ADAMTS19: variants seen among roughly 807,000 people sequenced by gnomAD.
ADAMTS19 encodes the protein A disintegrin and metalloproteinase with thrombospondin motifs 19.
Under a neutral mutation model 153.3 loss-of-function variants are expected in ADAMTS19, and 93 were observed. The observed-to-expected ratio is 0.61, with a 90% CI of 0.51 to 0.72. The LOEUF (loss-of-function observed/expected upper bound fraction) is 0.72. Among genes scored for constraint, ADAMTS19 ranks in the 30% least tolerant of loss-of-function variants. The pLI, the probability that ADAMTS19 is intolerant of heterozygous loss-of-function variation, is 0.00. For missense variants in ADAMTS19, 1,482 were observed against 1,552.1 expected, an observed-to-expected ratio of 0.95 and a Z score of 0.76; for synonymous variants, 600 against 556.6, an observed-to-expected ratio of 1.08 and a Z score of -1.10.
At chr5:129,702,578 T>C (rs1439970615) in intron 20 of ADAMTS19, among the ~76,000 whole-genome samples, 1 of 152,186 alleles carries the variant, frequency 6.6e-6, no homozygotes. Flanking sequence ...AATCCTGGCT[T>C]TCTCTTTTCT....
intron 2 of ADAMTS19, among the ~76,000 whole-genome samples, chr5:129,475,156 T>G (rs1321171268): frequency 6.6e-6 from 1 of 151,970 alleles, no homozygotes; most frequent in African/African-American, 2.4e-5. Context: ...AAGAACTCAG[T>G]GTCTAACCCA....
intron 21 of ADAMTS19, among the ~76,000 whole-genome samples, chr5:129,719,051 G>A (rs1756855572): frequency 6.6e-6 from 1 of 152,062 alleles, no homozygotes; most frequent in African/African-American, 2.4e-5. Context: ...TGAGAATTAT[G>A]ATTTTTAACC....
chr5:129,680,489 T>C (rs1223847778), intron 17 of ADAMTS19, among the ~76,000 whole-genome samples: 2 of 152,156 alleles, frequency 1.3e-5, no homozygotes, highest in African/African-American at 2.4e-5. Context: ...CCAGACGTGG[T>C]GGCTCACGCC....
At chr5:129,488,407 A>G (rs1228620833) in intron 2 of ADAMTS19, among the ~76,000 whole-genome samples, 1 of 152,130 alleles carries the variant, frequency 6.6e-6, no homozygotes, top group Non-Finnish European at 1.5e-5. Flanking sequence ...ATTTGCCGAC[A>G]CATCAGCCCA....
Position 129,595,870 on chromosome 5 carries a change from TTAAC to T in ADAMTS19, c.1373-685_1373-682del, listed in dbSNP as rs200949147. Among the ~76,000 whole-genome samples, 82 of 152,094 alleles carry T rather than the reference TTAAC, an allele frequency of 5.4e-4. No homozygotes were observed. The East Asian group carries it at 9.3e-3, about 17-fold the overall frequency. On this transcript the variant is annotated intron_variant, in intron 7 of 22. Coordinates refer to ENST00000274487, the MANE Select transcript of ADAMTS19 (RefSeq NM_133638.6). ...CATTAGTAAAATAGAACATAAATATTTAACTAAAGAATATCAAGGAGTTTAAATA... is the reference window on the plus strand; with the variant it reads ...CATTAGTAAAATAGAACATAAATATTTAAAGAATATCAAGGAGTTTAAATA...
intron 2 of ADAMTS19, among the ~76,000 whole-genome samples, chr5:129,502,579 T>C (rs1028565204): frequency 2.0e-4 from 31 of 152,200 alleles, no homozygotes; most frequent in African/African-American, 7.0e-4. Flanking sequence ...GGAAAGAAAA[T>C]GGAATGAGGT....
rs547245985 is a variant in ADAMTS19, at chr5:129,661,208, TCATTTCC to T, written c.2425+2476_2425+2482del. On this transcript the variant is annotated intron_variant, in intron 15 of 22. Transcript: ENST00000274487. Reference sequence around the variant, plus strand: ...TTATAATTTTATGTTCACTTGTCTTTCATTTCCCATTAGACCTTAAGCTCAATGAGAA... The same window carrying T: ...TTATAATTTTATGTTCACTTGTCTTTCATTAGACCTTAAGCTCAATGAGAA... Among the ~76,000 whole-genome samples the T allele has an allele frequency of 2.8e-4, 43 of 152,356 alleles. No homozygotes were observed. In the South Asian group the frequency reaches 4.8e-3, roughly 17 times the overall value.
chr5:129,592,140 A>G (rs1009539195), intron 7 of ADAMTS19, among the ~76,000 whole-genome samples: 5 of 152,034 alleles, frequency 3.3e-5, no homozygotes, highest in African/African-American at 1.2e-4. Flanking sequence ...CACTTTGGGA[A>G]TCTGAGGTGG....
At chr5:129,645,052 A>T (rs1040864787) in intron 11 of ADAMTS19, among the ~76,000 whole-genome samples, 6 of 152,202 alleles carry the variant, frequency 3.9e-5, no homozygotes, top group African/African-American at 1.4e-4. Flanking sequence ...ACCCCTTTCA[A>T]ATGTGTGTTT....
chr5:129,529,085 C>A (rs574491406), intron 6 of ADAMTS19, among the ~76,000 whole-genome samples: 90 of 152,118 alleles, frequency 5.9e-4, no homozygotes, highest in Middle Eastern at 3.4e-3. Flanking sequence ...ATGTGAGAAA[C>A]AATTTCAATT....
At chr5:129,636,617 G>A (rs1752546054) in intron 10 of ADAMTS19, among the ~76,000 whole-genome samples, 1 of 152,166 alleles carries the variant, frequency 6.6e-6, no homozygotes, top group Admixed American at 6.5e-5. Context: ...AGCTATGTAT[G>A]TGGAGTGGAG....
At chr5:129,725,065 AAAG>A (rs1297553382) in intron 21 of ADAMTS19, among the ~76,000 whole-genome samples, 1 of 152,098 alleles carries the variant, frequency 6.6e-6, no homozygotes, top group Non-Finnish European at 1.5e-5. Context: ...CTTTGTTAGA[AAAG>A]AAATGATTTG....
chr5:129,615,194 T>A (rs966092022), intron 8 of ADAMTS19, among the ~76,000 whole-genome samples: 17 of 152,002 alleles, frequency 1.1e-4, no homozygotes, highest in African/African-American at 3.9e-4. Flanking sequence ...TACTTTAAAG[T>A]TCATATGGAA....
intron 7 of ADAMTS19, among the ~76,000 whole-genome samples, chr5:129,595,836 A>G (rs1354185799): frequency 3.3e-5 from 5 of 152,130 alleles, no homozygotes; most frequent in South Asian, 2.1e-4. Flanking sequence ...TTATTCAAGT[A>G]TATGTCTTCA....
At chr5:129,548,865 T>C (rs908187318) in intron 6 of ADAMTS19, among the ~76,000 whole-genome samples, 7 of 151,902 alleles carry the variant, frequency 4.6e-5, no homozygotes, top group African/African-American at 1.7e-4. Flanking sequence ...GTTGAGTTCA[T>C]GTCCTTTATA....
intron 10 of ADAMTS19, among the ~76,000 whole-genome samples, chr5:129,632,434 A>G (rs912976327): frequency 1.3e-5 from 2 of 151,956 alleles, no homozygotes; most frequent in African/African-American, 2.4e-5. Context: ...CTTAATATAC[A>G]TTGCATGTAT....
intron 6 of ADAMTS19, among the ~76,000 whole-genome samples, chr5:129,532,857 G>C (rs986981770): frequency 6.6e-6 from 1 of 152,100 alleles, no homozygotes; most frequent in Non-Finnish European, 1.5e-5. Flanking sequence ...CCAGCAATTT[G>C]GGAGGCCTAG....
chr5:129,481,939 G>C (rs1750426548), intron 2 of ADAMTS19, among the ~76,000 whole-genome samples: 1 of 152,112 alleles, frequency 6.6e-6, no homozygotes. Context: ...TCCAAGCTTG[G>C]GGTAAGGAGT....
rs767098987 is a variant in ADAMTS19 at position 129,475,907 on chromosome 5, A to G, written c.747+14150A>G. ...TACATTTTAGGATCAGATTGTCAGT[A>G]TCTTCAAAGAAACTTCCTGGACTTT... On this transcript the variant is annotated intron_variant, in intron 2 of 22. Coordinates refer to ENST00000274487, the MANE Select transcript of ADAMTS19 (RefSeq NM_133638.6). 4.6e-5 allele frequency among the ~76,000 whole-genome samples: 7 copies of G among 152,240 alleles called. 1 individual carries two copies. The South Asian group carries it at 1.4e-3, about 31-fold the overall frequency.
Sources: gnomAD v4.1 joint callset for allele counts (sites outside exome capture counted in the v4.1 genomes callset) on GRCh38, gnomAD v4.1.1 for gene constraint, MANE v1.5 for transcripts, NCBI Gene and HGNC (gene_info 2026-07-23, HGNC 2026-07-21) for gene names.